The following LRP1B variants were observed in gnomAD, a reference collection of about 807,000 sequenced individuals.
LRP1B encodes LDL receptor related protein 1B.
Under a neutral mutation model 556.6 loss-of-function variants are expected in LRP1B, and 217 were observed. The observed-to-expected ratio is 0.39, with a 90% CI of 0.35 to 0.44. The LOEUF (loss-of-function observed/expected upper bound fraction) is 0.44, where lower values mean the gene tolerates loss of function less well. Among genes scored for constraint, LRP1B ranks in the 20% least tolerant of loss-of-function variants. The pLI is 1.00. For missense variants in LRP1B, 5,053 were observed against 5,620.8 expected, an observed-to-expected ratio of 0.90 and a Z score of 3.23; for synonymous variants, 2,047 against 1,865.8, an observed-to-expected ratio of 1.10 and a Z score of -2.50.
intron 20 of LRP1B, among the ~76,000 whole-genome samples, chr2:140,945,349 G>A (rs1272210924): frequency 6.6e-6 from 1 of 152,036 alleles, no homozygotes; most frequent in African/African-American, 2.4e-5. Context: ...AATTTTCACA[G>A]AATTAGAAAG....
intron 40 of LRP1B, 89 bp from the exon 41 acceptor site, chr2:140,700,710 T>C: frequency 7.5e-7 from 1 of 1,342,040 alleles, no homozygotes; most frequent in Non-Finnish European, 1.0e-6. Context: ...ATATTAAAAC[T>C]TTGATGTTGA....
At chr2:140,601,778 G>T in intron 41 of LRP1B, 139 bp from the exon 42 acceptor site, 1 of 541,888 alleles carries the variant, frequency 1.8e-6, no homozygotes, top group Non-Finnish European at 2.9e-6. Flanking sequence ...AAATAAAAAT[G>T]CAGTCATTGT....
chr2:140,463,058 G>A (rs1445867176), intron 60 of LRP1B, among the ~76,000 whole-genome samples: 2 of 152,266 alleles, frequency 1.3e-5, no homozygotes, highest in African/African-American at 2.4e-5. Context: ...GTGAAAAAAC[G>A]GGGTGAGATT....
intron 2 of LRP1B, among the ~76,000 whole-genome samples, chr2:141,775,763 C>G (rs1695047049): frequency 6.6e-6 from 1 of 151,740 alleles, no homozygotes; most frequent in Admixed American, 6.6e-5. Context: ...AAAAACTCTT[C>G]TCTAAAAACT....
intron 1 of LRP1B, among the ~76,000 whole-genome samples, chr2:142,128,731 G>A (rs886851526): frequency 4.6e-5 from 7 of 152,002 alleles, no homozygotes; most frequent in Non-Finnish European, 8.8e-5. Flanking sequence ...GATACAACAC[G>A]ACACTATTTC....
intron 1 of LRP1B, among the ~76,000 whole-genome samples, chr2:141,907,631 A>T (rs917298485): frequency 2.0e-5 from 3 of 152,014 alleles, no homozygotes; most frequent in Non-Finnish European, 2.9e-5. Flanking sequence ...CATTTGGTTA[A>T]CAAATATTAT....
intron 35 of LRP1B, among the ~76,000 whole-genome samples, chr2:140,743,803 C>CAA (rs1247904622): frequency 6.6e-6 from 1 of 150,634 alleles, no homozygotes; most frequent in Admixed American, 6.6e-5. Context: ...ACTAAAAATA[C>CAA]AAAAAAATTA....
At chr2:141,277,783 A>G (rs760061390) in intron 3 of LRP1B, among the ~76,000 whole-genome samples, 15 of 152,000 alleles carry the variant, frequency 9.9e-5, no homozygotes, top group African/African-American at 3.4e-4. Context: ...ACACAATCCA[A>G]TTATTATTTA....
chr2:141,153,674 G>A (rs546402607), intron 7 of LRP1B, among the ~76,000 whole-genome samples: 14 of 144,434 alleles, frequency 9.7e-5, no homozygotes, highest in South Asian at 8.6e-4. Context: ...CTCACATAGC[G>A]CAGTAAACTA....
chr2:140,388,721 C>T (rs554300838), intron 66 of LRP1B, among the ~76,000 whole-genome samples: 100 of 152,294 alleles, frequency 6.6e-4, no homozygotes, highest in African/African-American at 1.8e-3. Flanking sequence ...GGTGCACACA[C>T]GCACACAAAG....
intron 41 of LRP1B, among the ~76,000 whole-genome samples, chr2:140,666,197 C>A (rs963737302): frequency 2.0e-5 from 3 of 151,136 alleles, no homozygotes; most frequent in African/African-American, 7.3e-5. Flanking sequence ...GCTTCACCAT[C>A]TTGGCCAGGC....
chr2:141,994,393 C>A (rs1702429728), intron 1 of LRP1B, among the ~76,000 whole-genome samples: 1 of 152,236 alleles, frequency 6.6e-6, no homozygotes, highest in African/African-American at 2.4e-5. Context: ...TTTGGAAATT[C>A]ACGAAAGTCG....
chr2:140,833,491 T>C (rs567631292), intron 31 of LRP1B, among the ~76,000 whole-genome samples: 2 of 152,362 alleles, frequency 1.3e-5, no homozygotes, highest in Admixed American at 6.5e-5. Context: ...ATGCCTCACA[T>C]TTATTTCAAT....
At chr2:141,442,536 C>T (rs1323659890) in intron 3 of LRP1B, among the ~76,000 whole-genome samples, 1 of 151,586 alleles carries the variant, frequency 6.6e-6, no homozygotes, top group Non-Finnish European at 1.5e-5. Context: ...CCCATCAACC[C>T]ATCATCTACA....
chr2:141,464,606 A>ATATTTTTTTTTTTTTTTTT lies in LRP1B; in HGVS notation c.343+15789_343+15790insAAAAAAAAAAAAAAAAATA. Reference sequence around the variant, plus strand: ...TTTGTATATATATATATATATATATATTTTTTTAGTAGAGATGGGGTTTCA... The same window carrying ATATTTTTTTTTTTTTTTTT: ...TTTGTATATATATATATATATATATATATTTTTTTTTTTTTTTTTTTTTTTTAGTAGAGATGGGGTTTCA... On this transcript the variant is annotated intron_variant, in intron 3 of 90. Coordinates refer to ENST00000389484, the MANE Select transcript of LRP1B (RefSeq NM_018557.3). Among the ~76,000 whole-genome samples, 46 of 90,528 alleles carry ATATTTTTTTTTTTTTTTTT rather than the reference A, an allele frequency of 5.1e-4. 3 individuals are homozygous for ATATTTTTTTTTTTTTTTTT. The highest frequency in any genetic ancestry group is 1.9e-3 in the East Asian group (7 of 3,596). The allele number at this position is 90,528 out of a possible 152,430, so 59.4% of individuals were successfully genotyped here.
At chr2:142,110,951 A>G (rs1410793259) in intron 1 of LRP1B, among the ~76,000 whole-genome samples, 1 of 152,164 alleles carries the variant, frequency 6.6e-6, no homozygotes, top group Non-Finnish European at 1.5e-5. Flanking sequence ...GGACAAATGC[A>G]ACCCTGGATT....
chr2:140,292,030 T>C (rs887753045), intron 84 of LRP1B, among the ~76,000 whole-genome samples: 3 of 152,158 alleles, frequency 2.0e-5, no homozygotes, highest in Admixed American at 6.5e-5. Context: ...TATCTCACTG[T>C]GGTTTTGATT....
At position 140,971,248 on chromosome 2, in the gene LRP1B, A is replaced by G. The variant is rs116229281; in HGVS notation, c.2887+10912T>C. Among the ~76,000 whole-genome samples, 315 of 151,694 alleles carry G rather than the reference A, an allele frequency of 2.1e-3. 1 individual carries two copies. The highest frequency in any genetic ancestry group is 3.2e-3 in the Non-Finnish European group (216 of 67,906). On this transcript the variant is annotated intron_variant, in intron 18 of 90. Coordinates refer to ENST00000389484, the MANE Select transcript of LRP1B (RefSeq NM_018557.3). ...AAGGAGAGGATGCTGTGACAGAGAC[A>G]TGGGGAAGAAGGTCACAAAGATGGA... is the stretch of plus-strand genomic sequence containing the variant.
intron 2 of LRP1B, among the ~76,000 whole-genome samples, chr2:141,737,162 G>A (rs192118096): frequency 4.9e-4 from 75 of 152,220 alleles, no homozygotes; most frequent in Non-Finnish European, 9.1e-4. Flanking sequence ...GACCAGCCTG[G>A]CCAACATGGT....
Sources: gnomAD v4.1 joint callset for allele counts (sites outside exome capture counted in the v4.1 genomes callset) on GRCh38, gnomAD v4.1.1 for gene constraint, MANE v1.5 for transcripts, NCBI Gene and HGNC (gene_info 2026-07-23, HGNC 2026-07-21) for gene names.